The following ARHGAP40 variants were observed in gnomAD, a reference collection of about 807,000 sequenced individuals.
The protein encoded by ARHGAP40 is rho GTPase-activating protein 40.
In ARHGAP40, 43 loss-of-function variants were observed where a neutral mutation model predicts 73.5. That is an observed-to-expected ratio of 0.58 (90% CI 0.46 to 0.75). The LOEUF (loss-of-function observed/expected upper bound fraction) is 0.75. Among genes scored for constraint, ARHGAP40 ranks in the 30% least tolerant of loss-of-function variants. The probability of loss-of-function intolerance (pLI) is 0.00; values close to 1 mark genes in which losing one functional copy is unlikely to be tolerated. For synonymous variants in ARHGAP40, 300 were observed against 352.8 expected (o/e 0.85, Z 1.68); for missense variants, 734 against 861.8 (o/e 0.85, Z 1.86).
intron 1 of ARHGAP40, among the ~76,000 whole-genome samples, chr20:38,609,234 G>A (rs1341256776): frequency 6.6e-6 from 1 of 152,122 alleles, no homozygotes; most frequent in Non-Finnish European, 1.5e-5. Context: ...ACCCTCAGGA[G>A]TCATCCTGCC....
chr20:38,636,322 C>A (rs2088975116), intron 6 of ARHGAP40, among the ~76,000 whole-genome samples: 1 of 150,888 alleles, frequency 6.6e-6, no homozygotes, highest in Admixed American at 6.6e-5. Context: ...AGTGCAGTGG[C>A]ATGATCACAG....
rs575611267 is a variant in ARHGAP40 at position 38,629,970 on chromosome 20, T to C, written c.783+320T>C. On this transcript the variant is annotated intron_variant, in intron 5 of 14. Transcript: ENST00000373345. ...TAGTTACTTTTAAAATTAATTTTAGTGCCTGGAGTGACAGAGAGAGACCCA... is the reference window on the plus strand; with the variant it reads ...TAGTTACTTTTAAAATTAATTTTAGCGCCTGGAGTGACAGAGAGAGACCCA... Among the ~76,000 whole-genome samples, 11 of 152,172 alleles carry C rather than the reference T, an allele frequency of 7.2e-5. No homozygotes were observed. In the South Asian group the frequency reaches 2.3e-3, roughly 32 times the overall value.
In ARHGAP40 at chr20:38,646,904, T is replaced by G. The variant is rs558357921; in HGVS notation, c.1711-53T>G. 1.6e-6 allele frequency: 2 copies of G among 1,265,594 alleles called. No individual in the cohort carries two copies. Among genetic ancestry groups the G allele is most frequent in the East Asian group, 1.1e-4 (2 of 17,444 alleles). 78.4% of individuals were successfully genotyped at this position (1,265,594 alleles called of 1,614,324 possible). On this transcript the variant is annotated intron_variant, in intron 12 of 14. Transcript: ENST00000373345. The surrounding 1 kb of genome is among the most constrained non-coding windows in gnomAD (Gnocchi z 4.5). The stretch of plus-strand genomic sequence containing the variant: ...CGTGTTTATGCATCCACGTTGGAAC[T>G]CCAGGCAAGCTGACTCTTATGTATA...
At chr20:38,632,059 G>A (rs1261755414) in intron 5 of ARHGAP40, among the ~76,000 whole-genome samples, 5 of 152,038 alleles carry the variant, frequency 3.3e-5, no homozygotes, top group South Asian at 4.2e-4. Context: ...CACCCCCGAC[G>A]TTCAAGTGAT....
chr20:38,617,419 C>T (rs2088848398), intron 1 of ARHGAP40, among the ~76,000 whole-genome samples: 2 of 152,192 alleles, frequency 1.3e-5, no homozygotes, highest in African/African-American at 4.8e-5. Context: ...GCTAAGATCA[C>T]CTTGCAAAGC....
chr20:38,641,772 C>G (rs867718664), exon 10 of ARHGAP40: 1 of 1,295,622 alleles, frequency 7.7e-7, no homozygotes, highest in Non-Finnish European at 1.0e-6. Flanking sequence ...ACCTGCTCAT[C>G]CTCATCCTCC....
At chr20:38,620,927 A>G (rs1222503974) in intron 1 of ARHGAP40, among the ~76,000 whole-genome samples, 1 of 152,248 alleles carries the variant, frequency 6.6e-6, no homozygotes, top group Non-Finnish European at 1.5e-5. Flanking sequence ...AGGAAAGGCC[A>G]TGTGCAGAAA....
At chr20:38,609,104 C>T (rs1182472908) in intron 1 of ARHGAP40, among the ~76,000 whole-genome samples, 3 of 152,182 alleles carry the variant, frequency 2.0e-5, no homozygotes, top group Non-Finnish European at 4.4e-5. Flanking sequence ...TTCATCCCAC[C>T]TTTGCCATGT....
exon 1 of ARHGAP40, chr20:38,602,026 G>A (rs1224590651): frequency 7.8e-7 from 1 of 1,287,502 alleles, no homozygotes; most frequent in Admixed American, 2.3e-5. Flanking sequence ...CTCGGATCCC[G>A]CGGGCCCGCA....
chr20:38,629,954 T>C (rs1332565265), intron 5 of ARHGAP40, among the ~76,000 whole-genome samples: 1 of 152,126 alleles, frequency 6.6e-6, no homozygotes, highest in Non-Finnish European at 1.5e-5. Context: ...CTAGTTACTT[T>C]TAAAATTAAT....
intron 1 of ARHGAP40, among the ~76,000 whole-genome samples, chr20:38,616,409 A>G (rs1220448310): frequency 6.6e-6 from 1 of 152,236 alleles, no homozygotes; most frequent in Non-Finnish European, 1.5e-5. Flanking sequence ...TGATAGGGAT[A>G]AGAGCTCAGC....
rs754548200 is a variant in ARHGAP40, at chr20:38,627,176, CAG to C, written c.523_524del (p.Asp175CysfsTer33). Reference sequence around the variant, plus strand: ...TGCGAAGACAACACAAGACACCTGTCAGAGATGTCAGGGATGTCTTTGGGGTC... The same window carrying C: ...TGCGAAGACAACACAAGACACCTGTCAGATGTCAGGGATGTCTTTGGGGTC... On this transcript the variant is annotated frameshift_variant, in exon 3 of 15. Transcript: ENST00000373345. LOFTEE classifies it high-confidence loss of function. 5 of 1,305,326 alleles carry C rather than the reference CAG, an allele frequency of 3.8e-6. No homozygotes were observed. Among genetic ancestry groups the C allele is most frequent in the Non-Finnish European group, 5.1e-6 (5 of 988,974 alleles). 80.9% of individuals were successfully genotyped at this position (1,305,326 alleles called of 1,614,324 possible). A position where few individuals can be genotyped will look rare whatever the true frequency, so the allele number is the denominator to read the frequency against.
chr20:38,619,443 A>T (rs1455457776), intron 1 of ARHGAP40, among the ~76,000 whole-genome samples: 6 of 151,710 alleles, frequency 4.0e-5, no homozygotes, highest in African/African-American at 1.5e-4. Context: ...ATGAAAGGTA[A>T]CATTCATTAG....
intron 2 of ARHGAP40, among the ~76,000 whole-genome samples, chr20:38,624,151 G>C (rs2088887515): frequency 6.6e-6 from 1 of 152,154 alleles, no homozygotes; most frequent in Non-Finnish European, 1.5e-5. Flanking sequence ...TCAAATGGTA[G>C]CTGGGGCTGG....
intron 1 of ARHGAP40, among the ~76,000 whole-genome samples, chr20:38,618,590 G>A (rs1006193725): frequency 2.0e-5 from 3 of 152,164 alleles, no homozygotes; most frequent in African/African-American, 7.2e-5. Context: ...GGCTGCGGGT[G>A]ACTTCATGCT....
Position 38,639,684 on chromosome 20 carries a change from T to TGA in ARHGAP40, c.1279+298_1279+299insGA, listed in dbSNP as rs2089002344. On this transcript the variant is annotated intron_variant, in intron 9 of 14. Transcript: ENST00000373345. ...GTTCTCACATGGATGAGTGGACTAGTTTCCTTCACATCTTGACATCCATGG... is the reference window on the plus strand; with the variant it reads ...GTTCTCACATGGATGAGTGGACTAGTGATTCCTTCACATCTTGACATCCATGG... Among the ~76,000 whole-genome samples, 5 of 152,246 alleles carry TGA rather than the reference T, an allele frequency of 3.3e-5. No individual in the cohort carries two copies. The South Asian group carries it at 1.0e-3, about 31-fold the overall frequency.
chr20:38,648,998 G>A (rs934229878), intron 14 of ARHGAP40, among the ~76,000 whole-genome samples: 3 of 152,240 alleles, frequency 2.0e-5, no homozygotes, highest in African/African-American at 7.2e-5. Flanking sequence ...TGAAACCGAC[G>A]CCTCTGGGAC....
chr20:38,639,506 A>G, intron 9 of ARHGAP40, 120 bp downstream of exon 9: 2 of 1,138,744 alleles, frequency 1.8e-6, no homozygotes, highest in Non-Finnish European at 2.3e-6. Context: ...TGTTCCAGAA[A>G]TGTCCAACTG....
exon 1 of ARHGAP40, chr20:38,602,003 G>C (rs914954848): frequency 1.6e-6 from 2 of 1,287,708 alleles, no homozygotes; most frequent in Non-Finnish European, 2.0e-6. Context: ...AGGGCCCCTA[G>C]CCTCACCGTG....
Sources: allele counts gnomAD v4.1 joint callset (sites outside exome capture counted in the v4.1 genomes callset), GRCh38; gene constraint gnomAD v4.1.1; non-coding constraint Gnocchi (gnomAD v3.1); transcripts MANE v1.5; gene names NCBI Gene and HGNC (gene_info 2026-07-23, HGNC 2026-07-21).